ERMP1: variants seen among roughly 807,000 people sequenced by gnomAD.
ERMP1 encodes the protein Felix-ina.
In ERMP1, 86 loss-of-function variants were observed where a neutral mutation model predicts 92.0. That is an observed-to-expected ratio of 0.93 (90% CI 0.79 to 1.12). ERMP1 has a LOEUF of 1.12. Ranked by LOEUF, ERMP1 falls within the 50% of genes most tolerant of loss-of-function variation. ERMP1 has a pLI of 0.00. For synonymous variants in ERMP1, 530 were observed against 412.8 expected (o/e 1.28, Z -3.44); for missense variants, 1,342 against 1,116.3 (o/e 1.20, Z -2.88).
At chr9:5,797,981 C>G (rs1398459852) in intron 12 of ERMP1, 49 bp from the exon 13 acceptor site, 1 of 1,093,468 alleles carries the variant, frequency 9.1e-7, no homozygotes, top group Non-Finnish European at 1.4e-6. Context: ...TATTTGATGG[C>G]TATCTGTAAC....
intron 13 of ERMP1, among the ~76,000 whole-genome samples, chr9:5,792,377 C>T (rs1476241894): frequency 6.6e-6 from 1 of 152,124 alleles, no homozygotes; most frequent in East Asian, 1.9e-4. Flanking sequence ...GCTGGAAGAC[C>T]TAACTGCTAG....
intron 3 of ERMP1, 87 bp from the exon 4 acceptor site, chr9:5,824,088 T>A: frequency 1.0e-6 from 1 of 965,856 alleles, no homozygotes; most frequent in Non-Finnish European, 1.6e-6. Context: ...GAGACTACTT[T>A]GATGAGGTAA....
intron 6 of ERMP1, chr9:5,856,205 C>G: frequency 3.4e-6 from 1 of 289,916 alleles, no homozygotes; most frequent in Non-Finnish European, 7.0e-6. Context: ...GGAGCCAGTG[C>G]TGGGCATACC....
intron 8 of ERMP1, 29 bp downstream of exon 8, chr9:5,809,982 A>G (rs1361639392): frequency 6.8e-7 from 1 of 1,476,110 alleles, no homozygotes; most frequent in South Asian, 1.1e-5. Flanking sequence ...GGCAACAGAA[A>G]GAAATCAACA....
chr9:5,818,946 G>A (rs901749254), intron 4 of ERMP1, among the ~76,000 whole-genome samples: 1 of 152,116 alleles, frequency 6.6e-6, no homozygotes, highest in Non-Finnish European at 1.5e-5. Flanking sequence ...TGCTGATCAA[G>A]TATTTTAAAA....
chr9:5,839,673 G>A (rs1256670287), intron 6 of ERMP1, among the ~76,000 whole-genome samples: 1 of 152,004 alleles, frequency 6.6e-6, no homozygotes, highest in East Asian at 1.9e-4. Context: ...GCCCCCTGAA[G>A]CCCTCTTGCA....
intron 6 of ERMP1, among the ~76,000 whole-genome samples, chr9:5,855,137 C>G (rs192970978): frequency 6.6e-6 from 1 of 152,206 alleles, no homozygotes; most frequent in Middle Eastern, 3.4e-3. Flanking sequence ...TATTTAATAA[C>G]TTAAATGTAA....
chr9:5,798,871 A>G lies in ERMP1; in HGVS notation c.2205T>C (p.Ala735=), dbSNP rs1192376837. ...AAAGAGGTGCATTCTCCTCACAGTG[A>G]GCTCGGATACTATCATTGATCTCAG... ...HIPEINDSIR[A]HCEENAPLCG... The change falls in exon 12 of 15, where the codon GCT becomes GCC. Residue 735 remains alanine, a synonymous_variant. Transcript: ENST00000339450. The G allele has an allele frequency of 1.2e-6, 2 of 1,613,720 alleles. No individual in the cohort carries two copies. Among genetic ancestry groups the G allele is most frequent in the Admixed American group, 1.7e-5 (1 of 60,002 alleles).
chr9:5,787,403 A>T (rs1400659960), intron 14 of ERMP1, 27 bp downstream of exon 14: 3 of 1,609,242 alleles, frequency 1.9e-6, no homozygotes, highest in Admixed American at 1.7e-5. Flanking sequence ...CTAATCAATG[A>T]AACAAACAAT....
intron 5 of ERMP1, among the ~76,000 whole-genome samples, chr9:5,862,632 C>A (rs1830534828): frequency 6.6e-6 from 1 of 152,218 alleles, no homozygotes; most frequent in South Asian, 2.1e-4. Flanking sequence ...CAGGCATGAG[C>A]CACTGTGTCA....
chr9:5,844,239 G>A (rs1387573307), intron 6 of ERMP1, among the ~76,000 whole-genome samples: 1 of 152,202 alleles, frequency 6.6e-6, no homozygotes, highest in Non-Finnish European at 1.5e-5. Flanking sequence ...GTAGCCACAG[G>A]CTGCCTAGCA....
At chr9:5,866,361 G>C (rs540556737) in intron 5 of ERMP1, among the ~76,000 whole-genome samples, 3 of 152,316 alleles carry the variant, frequency 2.0e-5, no homozygotes, top group Non-Finnish European at 4.4e-5. Flanking sequence ...TCCAACAATA[G>C]TGGGGAGAGG....
At position 5,810,177 on chromosome 9, in the gene ERMP1, C is replaced by A; in HGVS notation, c.1382G>T (p.Trp461Leu). 1.9e-6 allele frequency: 3 copies of A among 1,614,054 alleles called. No individual in the cohort carries two copies. In the South Asian group the frequency reaches 3.3e-5, roughly 18 times the overall value. ...LCGLGITLIS[W>L]FTSLVTVLII... ...GAGAACGGTAACAAGGCTAGTGAAC[C>A]AGCTGATCAAAGTGATGCCAAGTCC... is the stretch of plus-strand genomic sequence containing the variant. The change falls in exon 8 of 15, where the codon TGG becomes TTG. Residue 461 changes from tryptophan to leucine, a missense_variant. By Grantham distance (61) the Trp-to-Leu change is moderately conservative. Transcript: ENST00000339450.
chr9:5,791,334 C>T (rs1319857859), intron 13 of ERMP1: 11 of 455,630 alleles, frequency 2.4e-5, no homozygotes, highest in Non-Finnish European at 4.9e-5. Flanking sequence ...TAGCAGAATT[C>T]CCCATTCCCT....
chr9:5,813,215 T>C (rs961119460), intron 4 of ERMP1, among the ~76,000 whole-genome samples, 180 bp from the exon 5 acceptor site: 5 of 152,214 alleles, frequency 3.3e-5, no homozygotes, highest in African/African-American at 1.2e-4. Context: ...GTTTGACTTT[T>C]AGAATAAAAA....
Position 5,860,218 on chromosome 9 carries a change from T to C in ERMP1, n.3056-607A>G, listed in dbSNP as rs192611468. Among the ~76,000 whole-genome samples the C allele has an allele frequency of 2.0e-4, 31 of 151,868 alleles. No individual in the cohort carries two copies. In the East Asian group the frequency reaches 5.0e-3, roughly 25 times the overall value. ...TACTTGGGAGGCTGAGTCAGGAGGA[T>C]TGCTTGAGCCCAGGAAATAGAGGTT... On this transcript the variant is annotated intron_variant and non_coding_transcript_variant, in intron 5 of 6. Transcript: ENST00000690753.
At chr9:5,839,357 G>C (rs534226996) in intron 6 of ERMP1, among the ~76,000 whole-genome samples, 2 of 152,162 alleles carry the variant, frequency 1.3e-5, no homozygotes, top group Non-Finnish European at 2.9e-5. Flanking sequence ...TCATACAATA[G>C]GAGAAGAACC....
Position 5,825,141 on chromosome 9 carries a change from T to C in ERMP1, c.719A>G (p.His240Arg), listed in dbSNP as rs1159605873. ...ATTAAAGAGAAATATGACAGCATGA[T>C]GCAAGGCTTCTGAAGATGTTGACAA... Reference protein sequence around the residue: ...RVLSTSSEALHHAVIFLFNGA... With the variant: ...RVLSTSSEALRHAVIFLFNGA... Residue 240 changes from histidine to arginine, a missense_variant, in exon 3 of 15, where the codon CAT becomes CGT. By Grantham distance (29) the His-to-Arg change is conservative (BLOSUM62 0). Coordinates refer to ENST00000339450, the MANE Select transcript of ERMP1 (RefSeq NM_024896.3). 9 of 1,614,054 alleles carry C rather than the reference T, an allele frequency of 5.6e-6. No individual in the cohort carries two copies. The highest frequency in any genetic ancestry group is 7.6e-6 in the Non-Finnish European group (9 of 1,179,992).
intron 6 of ERMP1, among the ~76,000 whole-genome samples, chr9:5,845,628 G>C (rs1830225705): frequency 6.6e-6 from 1 of 152,072 alleles, no homozygotes; most frequent in South Asian, 2.1e-4. Flanking sequence ...AGTGTCTTTT[G>C]TTATTTCTGC....
Sources: allele counts gnomAD v4.1 joint callset (sites outside exome capture counted in the v4.1 genomes callset), GRCh38; gene constraint gnomAD v4.1.1; transcripts MANE v1.5; gene names NCBI Gene and HGNC (gene_info 2026-07-23, HGNC 2026-07-21).